ANK3: variants seen among roughly 807,000 people sequenced by gnomAD.
ANK3 encodes the protein ankyrin-3.
Under a neutral mutation model 370.9 loss-of-function variants are expected in ANK3, and 57 were observed. The ratio of observed to expected loss-of-function variants is 0.15; its 90% CI spans 0.12 to 0.19. The LOEUF (loss-of-function observed/expected upper bound fraction) is 0.19, where lower values mean the gene tolerates loss of function less well. ANK3 is among the 10% of genes least tolerant of loss of function. ANK3 has a pLI of 1.00. For missense variants in ANK3, 4,439 were observed against 5,302.1 expected, an observed-to-expected ratio of 0.84 and a Z score of 5.06; for synonymous variants, 1,929 against 1,946.3, an observed-to-expected ratio of 0.99 and a Z score of 0.23.
intron 2 of ANK3, among the ~76,000 whole-genome samples, chr10:60,577,928 T>C (rs998447131): frequency 2.0e-5 from 3 of 152,148 alleles, no homozygotes; most frequent in South Asian, 2.1e-4. Context: ...CAGAATGAGA[T>C]TGTGAATTGA....
At chr10:60,576,434 A>T (rs1449013996) in intron 2 of ANK3, among the ~76,000 whole-genome samples, 1 of 152,160 alleles carries the variant, frequency 6.6e-6, no homozygotes, top group Non-Finnish European at 1.5e-5. Flanking sequence ...TAGGAAGCAA[A>T]TTTTTTTAAG....
intron 8 of ANK3, among the ~76,000 whole-genome samples, chr10:60,227,707 C>T (rs926712556): frequency 1.3e-5 from 2 of 151,892 alleles, no homozygotes; most frequent in African/African-American, 4.8e-5. Context: ...GTTATTTATC[C>T]CATGTAATGA....
intron 1 of ANK3, among the ~76,000 whole-genome samples, chr10:60,697,703 G>A (rs35611657): frequency 0.27 from 40,547 of 151,280 alleles, 6,493 homozygotes; most frequent in South Asian, 0.48. Flanking sequence ...CTAGCCATAT[G>A]GAGAAAGCTG....
chr10:60,567,839 C>T (rs2077499866), intron 2 of ANK3, among the ~76,000 whole-genome samples: 2 of 152,066 alleles, frequency 1.3e-5, no homozygotes, highest in African/African-American at 4.8e-5. Flanking sequence ...ACTTTGGGGG[C>T]TCAAGACTTC....
chr10:60,228,998 T>C (rs981790010), intron 8 of ANK3, among the ~76,000 whole-genome samples: 3 of 152,178 alleles, frequency 2.0e-5, no homozygotes, highest in Non-Finnish European at 4.4e-5. Flanking sequence ...AGGTTTACAA[T>C]GTAGTGTAAA....
At chr10:60,594,768 A>C (rs557701867) in intron 2 of ANK3, among the ~76,000 whole-genome samples, 1 of 152,232 alleles carries the variant, frequency 6.6e-6, no homozygotes, top group East Asian at 1.9e-4. Context: ...TCCTTTGTGA[A>C]CTATTGCTAT....
intron 1 of ANK3, among the ~76,000 whole-genome samples, chr10:60,703,121 C>T (rs1469469749): frequency 6.6e-6 from 1 of 152,046 alleles, no homozygotes; most frequent in African/African-American, 2.4e-5. Flanking sequence ...TCTTAGGATC[C>T]TAATTCAAGC....
intron 2 of ANK3, among the ~76,000 whole-genome samples, chr10:60,398,355 A>G (rs1426847086): frequency 6.6e-6 from 1 of 152,200 alleles, no homozygotes; most frequent in Non-Finnish European, 1.5e-5. Flanking sequence ...TTAATAACAT[A>G]TCATTCTGAG....
At chr10:60,677,203 C>G (rs2079136559) in intron 1 of ANK3, among the ~76,000 whole-genome samples, 1 of 152,066 alleles carries the variant, frequency 6.6e-6, no homozygotes, top group African/African-American at 2.4e-5. Context: ...TAACCTAGAT[C>G]AAAGAAACAG....
At position 60,059,396 on chromosome 10, in the gene ANK3, C is replaced by A; in HGVS notation, c.12630G>T (p.Glu4210Asp). 1.2e-6 allele frequency: 2 copies of A among 1,614,120 alleles called. No homozygotes were observed. The highest frequency in any genetic ancestry group is 1.3e-5 in the African/African-American group (1 of 75,048). Residue 4210 changes from glutamate to aspartate, a missense_variant, in exon 41 of 44, where the codon GAG (glutamate) becomes GAT (aspartate). By Grantham distance (45) the Glu-to-Asp change is conservative. Around this residue, in one of 13 missense-constraint regions of ANK3, gnomAD observed 242 missense variants for 228.0 expected, o/e 1.06. Transcript: ENST00000280772. ...WQNETSSGNL[E>D]SCAQARRVTG... is the part of the protein sequence containing the mutation. ...TTACTCTTCGAGCTTGAGCGCAGGA[C>A]TCTAGGTTTCCACTTGATGTCTCAT...
At chr10:60,665,249 A>G (rs2078982011) in intron 1 of ANK3, among the ~76,000 whole-genome samples, 1 of 152,200 alleles carries the variant, frequency 6.6e-6, no homozygotes, top group Non-Finnish European at 1.5e-5. Flanking sequence ...AGAAATATAC[A>G]AGGGTAATAT....
At chr10:60,113,299 G>A (rs529800772) in intron 26 of ANK3, among the ~76,000 whole-genome samples, 9 of 152,006 alleles carry the variant, frequency 5.9e-5, no homozygotes, top group Admixed American at 4.6e-4. Flanking sequence ...GCACCAACTC[G>A]AAAGTTCAAA....
intron 1 of ANK3, among the ~76,000 whole-genome samples, chr10:60,355,490 G>A (rs1296820477): frequency 2.6e-5 from 4 of 152,118 alleles, no homozygotes; most frequent in Non-Finnish European, 5.9e-5. Flanking sequence ...ACAGAGCTAG[G>A]AGATTGGGCA....
rs140868674 is a variant in ANK3 at position 60,611,717 on chromosome 10, C to T, written c.96+3469G>A. Among the ~76,000 whole-genome samples the T allele has an allele frequency of 6.9e-3, 1,046 of 151,472 alleles. 7 individuals are homozygous for T. Among genetic ancestry groups the T allele is most frequent in the Non-Finnish European group, 0.012 (837 of 67,908 alleles). ...CCTTCATCCTTTCTATTAAGTAAAT[C>T]GAATGCCCTGACAGCACACCTATCT... is the stretch of plus-strand genomic sequence containing the variant. On this transcript the variant is annotated intron_variant, in intron 2 of 43. Coordinates refer to the ANK3 transcript ENST00000373827.
At chr10:60,714,656 G>A (rs2079756643) in intron 1 of ANK3, among the ~76,000 whole-genome samples, 2 of 152,090 alleles carry the variant, frequency 1.3e-5, no homozygotes, top group South Asian at 2.1e-4. Flanking sequence ...AAAAGCATTT[G>A]GCCAAATCAA....
At chr10:60,509,925 A>T (rs17816915) in intron 2 of ANK3, among the ~76,000 whole-genome samples, 12,276 of 152,134 alleles carry the variant, frequency 0.081, 623 homozygotes, top group South Asian at 0.17. Context: ...AGTCAATGGC[A>T]TCAGACCTCC....
At chr10:60,364,898 TTCC>T (rs1217783883) in intron 1 of ANK3, among the ~76,000 whole-genome samples, 1 of 151,512 alleles carries the variant, frequency 6.6e-6, no homozygotes, top group Non-Finnish European at 1.5e-5. Context: ...TTTTCTATAT[TTCC>T]AAAGGGTAAA....
At chr10:60,035,535 G>A (rs2074760767) in intron 43 of ANK3, among the ~76,000 whole-genome samples, 1 of 151,684 alleles carries the variant, frequency 6.6e-6, no homozygotes, top group African/African-American at 2.4e-5. Flanking sequence ...TTACAGGTGT[G>A]AGCCACTGCG....
chr10:60,471,940 A>G (rs1448343755), intron 2 of ANK3, among the ~76,000 whole-genome samples: 2 of 152,124 alleles, frequency 1.3e-5, no homozygotes, highest in Non-Finnish European at 2.9e-5. Context: ...AGGAGCCAAA[A>G]GCAGATTAAT....
Sources: gnomAD v4.1 joint callset for allele counts (sites outside exome capture counted in the v4.1 genomes callset) on GRCh38, gnomAD v4.1.1 for gene constraint, gnomAD v4.1.1 regional missense constraint, MANE v1.5 for transcripts, NCBI Gene and HGNC (gene_info 2026-07-23, HGNC 2026-07-21) for gene names.